Variants in GALNT13 observed in about 807,000 individuals in gnomAD.
GALNT13 encodes polypeptide N-acetylgalactosaminyltransferase 13, also known as UDP-GalNAc:polypeptide N-acetylgalactosaminyltransferase 13.
Under a neutral mutation model 64.2 loss-of-function variants are expected in GALNT13, and 28 were observed. That is an observed-to-expected ratio of 0.44 (90% CI 0.32 to 0.60). The LOEUF (loss-of-function observed/expected upper bound fraction) is 0.60. GALNT13 is among the 20% of genes least tolerant of loss of function. GALNT13 has a pLI of 0.05. For synonymous variants in GALNT13, 214 were observed against 224.6 expected (o/e 0.95, Z 0.42); for missense variants, 577 against 669.8 (o/e 0.86, Z 1.53).
the GALNT13 span, among the ~76,000 whole-genome samples, chr2:153,536,792 G>T: frequency 6.6e-6 from 1 of 152,110 alleles, no homozygotes; most frequent in Admixed American, 6.5e-5. Context: ...TGTGCTAAAG[G>T]ATTTTTGTCC....
intron 11 of GALNT13, among the ~76,000 whole-genome samples, chr2:154,410,657 A>C (rs1319139756): frequency 6.6e-6 from 1 of 151,886 alleles, no homozygotes; most frequent in Non-Finnish European, 1.5e-5. Context: ...CCACACTCAC[A>C]AGTAGCTGCT....
At chr2:154,400,840 T>C (rs1699269040) in intron 10 of GALNT13, among the ~76,000 whole-genome samples, 1 of 152,124 alleles carries the variant, frequency 6.6e-6, no homozygotes. Flanking sequence ...TGCTCGGTTC[T>C]GATCTTGTAA....
the GALNT13 span, among the ~76,000 whole-genome samples, chr2:153,555,298 C>T: frequency 8.6e-6 from 1 of 115,682 alleles, no homozygotes; most frequent in African/African-American, 3.5e-5. Context: ...GGGTTCACGC[C>T]ATTCTCCTGC....
rs1374050852 is a variant in GALNT13 at position 154,215,028 on chromosome 2, G to C, written c.312-27002G>C. ...GGTATTGCTGAGCTGTGTAGTATAT[G>C]TAAGCCAAAAGTTTCTGGTGGTTAA... On this transcript the variant is annotated intron_variant, in intron 4 of 12. Coordinates refer to ENST00000392825, the MANE Select transcript of GALNT13 (RefSeq NM_052917.4). 3.3e-5 allele frequency among the ~76,000 whole-genome samples: 5 copies of C among 152,180 alleles called. 1 individual carries two copies. The highest frequency in any genetic ancestry group is 1.2e-4 in the African/African-American group (5 of 41,458).
the GALNT13 span, among the ~76,000 whole-genome samples, chr2:153,768,317 T>C: frequency 6.6e-6 from 1 of 152,200 alleles, no homozygotes; most frequent in Non-Finnish European, 1.5e-5. Context: ...ATTTGCTCTA[T>C]AGTCCAGTTT....
the GALNT13 span, among the ~76,000 whole-genome samples, chr2:153,601,002 A>C: frequency 1.3e-5 from 2 of 151,930 alleles, no homozygotes; most frequent in African/African-American, 4.8e-5. Context: ...AAAGAGTTAA[A>C]TCTAATTTCA....
chr2:154,020,953 A>G (rs1411519893), intron 3 of GALNT13, among the ~76,000 whole-genome samples: 1 of 152,214 alleles, frequency 6.6e-6, no homozygotes, highest in African/African-American at 2.4e-5. Flanking sequence ...TTTATTAAAT[A>G]GGGAATCCTT....
the GALNT13 span, among the ~76,000 whole-genome samples, chr2:153,837,739 G>A: frequency 1.3e-5 from 2 of 152,048 alleles, no homozygotes; most frequent in African/African-American, 4.8e-5. Context: ...TGGGAATGCA[G>A]AAATCTCTTC....
At chr2:154,099,197 T>C (rs762933015) in intron 3 of GALNT13, among the ~76,000 whole-genome samples, 40 of 152,330 alleles carry the variant, frequency 2.6e-4, no homozygotes, top group Admixed American at 5.2e-4. Context: ...CTCATTTTTA[T>C]TGGCTGCTTG....
At chr2:153,452,276 G>A in the GALNT13 span, among the ~76,000 whole-genome samples, 7 of 152,094 alleles carry the variant, frequency 4.6e-5, no homozygotes, top group African/African-American at 9.7e-5. Context: ...AGAATTAAAA[G>A]TATCTTCTTA....
At chr2:153,279,003 C>T in the GALNT13 span, among the ~76,000 whole-genome samples, 2 of 152,234 alleles carry the variant, frequency 1.3e-5, no homozygotes, top group African/African-American at 4.8e-5. Context: ...GAATGATTTA[C>T]CATTTGCTTG....
rs575270524 is a variant in GALNT13 at position 154,452,005 on chromosome 2, C to T, written c.*1454C>T. On this transcript the variant is annotated 3_prime_UTR_variant, in exon 13 of 13. Transcript: ENST00000392825. ...ATACAAACTATGTCTCTGACATGCACATACACTGCTTTATAATGAAAATGA... is the reference window on the plus strand; with the variant it reads ...ATACAAACTATGTCTCTGACATGCATATACACTGCTTTATAATGAAAATGA... 5 of 152,084 alleles carry T rather than the reference C, an allele frequency of 3.3e-5. No individual in the cohort carries two copies. Among genetic ancestry groups the T allele is most frequent in the Non-Finnish European group, 5.9e-5 (4 of 68,022 alleles). 9.4% of individuals were successfully genotyped at this position (152,084 alleles called of 1,614,324 possible). A position where few individuals can be genotyped will look rare whatever the true frequency, so the allele number is the denominator to read the frequency against.
intron 11 of GALNT13, among the ~76,000 whole-genome samples, chr2:154,435,383 CA>C (rs1700912460): frequency 6.6e-6 from 1 of 152,134 alleles, no homozygotes; most frequent in Non-Finnish European, 1.5e-5. Flanking sequence ...GTTTCAACCA[CA>C]GCAAGGACAG....
Position 154,051,770 on chromosome 2 carries a change from A to G in GALNT13, c.143-88567A>G, listed in dbSNP as rs1429364342. ...GATCTATAGATACTTTCCTTTCTAG[A>G]TAAACATATTGTAAATTCACTCCAG... On this transcript the variant is annotated intron_variant, in intron 3 of 12. Coordinates refer to ENST00000392825, the MANE Select transcript of GALNT13 (RefSeq NM_052917.4). Among the ~76,000 whole-genome samples the G allele has an allele frequency of 2.6e-5, 4 of 152,210 alleles. No homozygotes were observed. The East Asian group carries it at 7.7e-4, about 29-fold the overall frequency.
chr2:153,117,311 G>C, the GALNT13 span, among the ~76,000 whole-genome samples: 1 of 152,134 alleles, frequency 6.6e-6, no homozygotes, highest in South Asian at 2.1e-4. Flanking sequence ...ATCAGTATGG[G>C]CAGTCAAGTG....
the GALNT13 span, among the ~76,000 whole-genome samples, chr2:153,426,674 C>T: frequency 1.3e-5 from 2 of 151,866 alleles, no homozygotes; most frequent in Non-Finnish European, 2.9e-5. Context: ...ATTTTATTTC[C>T]TTCTTAGATG....
intron 4 of GALNT13, among the ~76,000 whole-genome samples, chr2:154,215,768 A>G (rs1188503849): frequency 6.6e-6 from 1 of 152,092 alleles, no homozygotes; most frequent in Non-Finnish European, 1.5e-5. Context: ...ATAAATGTTT[A>G]CTTAATGAAT....
intron 9 of GALNT13, among the ~76,000 whole-genome samples, chr2:154,324,121 C>T (rs1233927322): frequency 6.6e-6 from 1 of 152,046 alleles, no homozygotes; most frequent in East Asian, 1.9e-4. Flanking sequence ...TTTTCCCACA[C>T]CTTGTATTCA....
the GALNT13 span, among the ~76,000 whole-genome samples, chr2:153,447,837 C>T: frequency 6.6e-6 from 1 of 152,040 alleles, no homozygotes; most frequent in African/African-American, 2.4e-5. Flanking sequence ...CTTTTAAAGG[C>T]TCTTGATATA....
Sources: gnomAD v4.1 joint callset for allele counts (sites outside exome capture counted in the v4.1 genomes callset) on GRCh38, gnomAD v4.1.1 for gene constraint, MANE v1.5 for transcripts, NCBI Gene and HGNC (gene_info 2026-07-23, HGNC 2026-07-21) for gene names.